AACS: variants seen among roughly 807,000 people sequenced by gnomAD.
AACS encodes the protein acetoacetate-CoA ligase.
AACS carries 69 observed loss-of-function variants against 83.1 expected under a neutral mutation model. The observed-to-expected ratio is 0.83, with a 90% CI of 0.68 to 1.01. The LOEUF (loss-of-function observed/expected upper bound fraction) is 1.01, where lower values mean the gene tolerates loss of function less well. Ranked by LOEUF, AACS falls within the 50% of genes least tolerant of loss-of-function variation. AACS has a pLI of 0.00. For missense variants in AACS, 866 were observed against 882.2 expected (o/e 0.98, Z 0.23); for synonymous variants, 333 against 343.4 (o/e 0.97, Z 0.33).
intron 1 of AACS, among the ~76,000 whole-genome samples, chr12:125,069,360 G>A (rs1955796689): frequency 6.6e-6 from 1 of 152,216 alleles, no homozygotes; most frequent in Non-Finnish European, 1.5e-5. Flanking sequence ...CTCTCCGTGA[G>A]CCCGTCTTCC....
chr12:125,106,911 C>T (rs973479465), intron 7 of AACS, among the ~76,000 whole-genome samples: 3 of 152,170 alleles, frequency 2.0e-5, no homozygotes, highest in East Asian at 1.9e-4. Context: ...AACCTTCACT[C>T]GTTCGATGAG....
rs112754743 is a variant in AACS at position 125,130,066 on chromosome 12, C to T, written c.1549+606C>T. ...CCTCTAATCTTATTTCATAAGCAGTCTCGAGTTACTGCTGCTATATAATTC... is the reference window on the plus strand; with the variant it reads ...CCTCTAATCTTATTTCATAAGCAGTTTCGAGTTACTGCTGCTATATAATTC... On this transcript the variant is annotated intron_variant, in intron 14 of 17. Coordinates refer to ENST00000316519, the MANE Select transcript of AACS (RefSeq NM_023928.5). This position sits in a 1 kb window ranked among gnomAD's most constrained non-coding sequence, Gnocchi z 4.9. Among the ~76,000 whole-genome samples, 4 of 152,188 alleles carry T rather than the reference C, an allele frequency of 2.6e-5. No individual in the cohort carries two copies. Among genetic ancestry groups the T allele is most frequent in the Non-Finnish European group, 5.9e-5 (4 of 68,036 alleles).
chr12:125,107,023 G>T, intron 7 of AACS, 98 bp from the exon 8 acceptor site: 2 of 1,541,214 alleles, frequency 1.3e-6, no homozygotes, highest in East Asian at 4.5e-5. Flanking sequence ...TGGCTTTTCT[G>T]GGGGTAGAAA....
chr12:125,124,671 G>A (rs992007510), intron 10 of AACS, 34 bp from the exon 11 acceptor site: 3 of 1,611,714 alleles, frequency 1.9e-6, no homozygotes, highest in Admixed American at 1.7e-5. Flanking sequence ...GCCTTGAAGA[G>A]TTTCTGGTGT....
At position 125,094,978 on chromosome 12, in the gene AACS, C is replaced by CGTGT. The variant is rs57643228; in HGVS notation, c.570+3498_570+3501dup. 6.2e-5 allele frequency among the ~76,000 whole-genome samples: 9 copies of CGTGT among 145,344 alleles called. No homozygotes were observed. Among genetic ancestry groups the CGTGT allele is most frequent in the South Asian group, 2.3e-4 (1 of 4,384 alleles). ...TCCTCCTGAAGTGCCATCAGGTGGCCGTGTGTGTGTGTGTGTGTGTGTGTG... is the reference window on the plus strand; with the variant it reads ...TCCTCCTGAAGTGCCATCAGGTGGCCGTGTGTGTGTGTGTGTGTGTGTGTGTGTG... On this transcript the variant is annotated intron_variant, in intron 5 of 17. Coordinates refer to ENST00000316519, the MANE Select transcript of AACS (RefSeq NM_023928.5). This position sits in a 1 kb window ranked among gnomAD's most constrained non-coding sequence, Gnocchi z 4.1.
At position 125,129,464 on chromosome 12, in the gene AACS, G is replaced by T. The variant is rs769160531; in HGVS notation, c.1549+4G>T. On this transcript the variant is annotated splice_donor_region_variant and intron_variant, in intron 14 of 17. Transcript: ENST00000316519. The surrounding 1 kb of genome is among the most constrained non-coding windows in gnomAD (Gnocchi z 4.3). ...GCGTATTTCTCCAAATTCCCAGGTC[G>T]GTTGGAGAGATGCAGACAGAGCTGG... 1.2e-6 allele frequency: 2 copies of T among 1,612,752 alleles called. No homozygotes were observed. The highest frequency in any genetic ancestry group is 3.3e-5 in the Admixed American group (2 of 59,924).
intron 1 of AACS, among the ~76,000 whole-genome samples, chr12:125,073,628 A>G (rs988979752): frequency 6.6e-6 from 1 of 152,196 alleles, no homozygotes; most frequent in Non-Finnish European, 1.5e-5. Flanking sequence ...GTTCTTAGGC[A>G]TGGTAGTTAA....
At chr12:125,072,940 T>G (rs1052712259) in intron 1 of AACS, among the ~76,000 whole-genome samples, 4 of 146,636 alleles carry the variant, frequency 2.7e-5, no homozygotes, top group African/African-American at 1.0e-4. Context: ...TTTTTTTTTT[T>G]TTTTTGAGAT....
At chr12:125,099,893 C>A (rs1483204603) in intron 5 of AACS, among the ~76,000 whole-genome samples, 3 of 152,196 alleles carry the variant, frequency 2.0e-5, no homozygotes, top group African/African-American at 7.2e-5. Flanking sequence ...TTAGGCTGGT[C>A]TCAAACTCCT....
chr12:125,067,830 G>A (rs750700665), intron 1 of AACS, among the ~76,000 whole-genome samples: 43 of 152,264 alleles, frequency 2.8e-4, no homozygotes, highest in Middle Eastern at 3.4e-3. Context: ...CACCGTGCTC[G>A]GCCGACTACC....
intron 4 of AACS, among the ~76,000 whole-genome samples, chr12:125,087,694 T>C (rs1002796093): frequency 6.6e-6 from 1 of 152,154 alleles, no homozygotes; most frequent in Non-Finnish European, 1.5e-5. Flanking sequence ...GTTCAGCTTG[T>C]TTGCAAAGAG....
At chr12:125,123,425 C>T (rs1358643710) in intron 10 of AACS, 1 of 152,216 alleles carries the variant, frequency 6.6e-6, no homozygotes, top group Non-Finnish European at 1.5e-5. Flanking sequence ...TAGTCTCCCT[C>T]CCCCAAAACT....
At position 125,134,802 on chromosome 12, in the gene AACS, C is replaced by T; in HGVS notation, c.1628C>T (p.Thr543Ile). The change falls in exon 16 of 18, where the codon ACC becomes ATC. Residue 543 changes from threonine (T) to isoleucine (I), a missense_variant. By Grantham distance (89) the Thr-to-Ile change is moderately conservative (BLOSUM62 -1). Coordinates refer to ENST00000316519, the MANE Select transcript of AACS (RefSeq NM_023928.5). The part of the protein sequence containing the change: ...GIVMLGRSDG[T>I]LNPNGVRFGS... ...CTCTTCTCTCTTTCCAGTGACGGCA[C>T]CCTCAACCCCAACGGGGTGCGGTTC... 6.2e-7 allele frequency: 1 copy of T among 1,614,190 alleles called. No individual in the cohort carries two copies. The highest frequency in any genetic ancestry group is 8.5e-7 in the Non-Finnish European group (1 of 1,180,036).
chr12:125,132,541 C>G (rs1957342924), intron 14 of AACS, among the ~76,000 whole-genome samples: 1 of 152,164 alleles, frequency 6.6e-6, no homozygotes. Context: ...CGTGCTCCTG[C>G]AGAAGCTAGG....
chr12:125,071,193 G>GCATCCTC (rs1250396432), intron 1 of AACS, among the ~76,000 whole-genome samples: 1 of 152,192 alleles, frequency 6.6e-6, no homozygotes, highest in Non-Finnish European at 1.5e-5. Flanking sequence ...GACTGCGTGA[G>GCATCCTC]CATCCTCACT....
intron 8 of AACS, among the ~76,000 whole-genome samples, chr12:125,110,189 T>TTGTGTG (rs59856503): frequency 5.0e-5 from 6 of 119,000 alleles, no homozygotes; most frequent in East Asian, 2.4e-4. Flanking sequence ...CCGGCTAAGT[T>TTGTGTG]TGTGTGTGTG....
At chr12:125,108,887 G>A (rs1358447813) in intron 8 of AACS, among the ~76,000 whole-genome samples, 3 of 145,966 alleles carry the variant, frequency 2.1e-5, no homozygotes, top group East Asian at 2.0e-4. Flanking sequence ...TTTTAAGACC[G>A]GGTTTTGGCA....
At chr12:125,075,735 A>G (rs1956006452) in intron 2 of AACS, among the ~76,000 whole-genome samples, 1 of 151,874 alleles carries the variant, frequency 6.6e-6, no homozygotes, top group South Asian at 2.1e-4. Flanking sequence ...CTGGGACTAC[A>G]GGCGCACGCT....
intron 1 of AACS, among the ~76,000 whole-genome samples, chr12:125,067,563 C>G (rs535524982): frequency 6.6e-6 from 1 of 151,272 alleles, no homozygotes; most frequent in Non-Finnish European, 1.5e-5. Context: ...TTTTAAGCCT[C>G]GCTTTTCTCC....
Sources: gnomAD v4.1 joint callset for allele counts (sites outside exome capture counted in the v4.1 genomes callset) on GRCh38, gnomAD v4.1.1 for gene constraint, Gnocchi (gnomAD v3.1) non-coding constraint, MANE v1.5 for transcripts, NCBI Gene and HGNC (gene_info 2026-07-23, HGNC 2026-07-21) for gene names.